Variants in CEP120 observed in about 807,000 individuals in gnomAD.
CEP120 encodes the protein centrosomal protein of 120 kDa.
In CEP120, 113 loss-of-function variants were observed where a neutral mutation model predicts 126.5. The observed-to-expected ratio is 0.89, with a 90% CI of 0.77 to 1.04. The LOEUF is 1.04. Ranked by LOEUF, CEP120 falls within the 50% of genes least tolerant of loss-of-function variation. The pLI, the probability that CEP120 is intolerant of heterozygous loss-of-function variation, is 0.00. For missense variants in CEP120, 1,230 were observed against 1,155.7 expected, an observed-to-expected ratio of 1.06 and a Z score of -0.93; for synonymous variants, 400 against 394.3, an observed-to-expected ratio of 1.01 and a Z score of -0.17.
At position 123,422,971 on chromosome 5, in the gene CEP120, T is replaced by G; in HGVS notation, c.28A>C (p.Ile10Leu). The G allele has an allele frequency of 1.2e-6, 2 of 1,614,126 alleles. No individual in the cohort carries two copies. Among genetic ancestry groups the G allele is most frequent in the Non-Finnish European group, 1.7e-6 (2 of 1,179,994 alleles). ...TCACCTTCTAGGATGGACACGACGA[T>G]GAGCAATTGGTCGGATTTGGAGACC... MVSKSDQLLIVVSILEGRHF... is the reference protein window; with the variant it reads MVSKSDQLLLVVSILEGRHF... The change falls in exon 1 of 20, where the codon ATC (isoleucine) becomes CTC (leucine). Residue 10 changes from isoleucine (I) to leucine (L), a missense_variant. Physicochemically the swap from Ile to Leu is conservative, Grantham distance 5 (BLOSUM62 2). Coordinates refer to ENST00000306467, the MANE Select transcript of CEP120 (RefSeq NM_001375405.1).
chr5:123,415,761 C>T lies in CEP120; in HGVS notation c.321+249G>A, dbSNP rs139125593. Among the ~76,000 whole-genome samples, 5,277 of 152,088 alleles carry T rather than the reference C, an allele frequency of 0.035. 169 individuals are homozygous for T. Among genetic ancestry groups the T allele is most frequent in the South Asian group, 0.1 (499 of 4,812 alleles). On this transcript the variant is annotated intron_variant, in intron 3 of 19. Coordinates refer to ENST00000306467, the MANE Select transcript of CEP120 (RefSeq NM_001375405.1). ...TGGTGAGTGCCTGTAATCCCAGCTA[C>T]TCAGGAGGCTAAGGCAGGGAGAATT...
At chr5:123,401,621 T>C in intron 4 of CEP120, 1 of 1,428,692 alleles carries the variant, frequency 7.0e-7, no homozygotes, top group Non-Finnish European at 9.8e-7. Flanking sequence ...CACAGATGTG[T>C]CTGAGATCCA....
At chr5:123,406,074 T>A (rs1175536638) in intron 4 of CEP120, among the ~76,000 whole-genome samples, 1 of 151,908 alleles carries the variant, frequency 6.6e-6, no homozygotes, top group African/African-American at 2.4e-5. Context: ...ACTATGAGAA[T>A]TGGTTCATTA....
chr5:123,348,865 G>C (rs1769009141), intron 19 of CEP120, among the ~76,000 whole-genome samples: 1 of 152,144 alleles, frequency 6.6e-6, no homozygotes, highest in Non-Finnish European at 1.5e-5. Context: ...ACAGTGAGAA[G>C]GTGGGTCTCT....
chr5:123,414,160 C>G (rs1461294708), intron 3 of CEP120, among the ~76,000 whole-genome samples: 1 of 152,156 alleles, frequency 6.6e-6, no homozygotes, highest in African/African-American at 2.4e-5. Flanking sequence ...CAGATACCCC[C>G]CTAAGAGGAT....
chr5:123,347,779 G>C (rs1768938061), intron 19 of CEP120, among the ~76,000 whole-genome samples: 1 of 152,042 alleles, frequency 6.6e-6, no homozygotes, highest in Non-Finnish European at 1.5e-5. Context: ...TCGAGTAGCT[G>C]GGACTATAGG....
chr5:123,362,888 A>C (rs1770189979), intron 18 of CEP120, among the ~76,000 whole-genome samples: 1 of 151,612 alleles, frequency 6.6e-6, no homozygotes, highest in African/African-American at 2.4e-5. Context: ...TAAAACATCC[A>C]AATTTGCAAA....
chr5:123,370,761 A>T (rs1770801676), intron 17 of CEP120, among the ~76,000 whole-genome samples: 1 of 147,710 alleles, frequency 6.8e-6, no homozygotes, highest in African/African-American at 2.5e-5. Context: ...TATATATTTT[A>T]TATATATATT....
chr5:123,419,450 G>A (rs1001133952), intron 1 of CEP120, among the ~76,000 whole-genome samples: 1 of 151,812 alleles, frequency 6.6e-6, no homozygotes, highest in Non-Finnish European at 1.5e-5. Flanking sequence ...GGGAGGCTGA[G>A]GCAGAACAGC....
intron 4 of CEP120, among the ~76,000 whole-genome samples, chr5:123,405,812 C>T (rs1410441764): frequency 6.6e-6 from 1 of 150,616 alleles, no homozygotes; most frequent in Non-Finnish European, 1.5e-5. Flanking sequence ...GCAAGGCATA[C>T]TAAAAGGAAA....
chr5:123,377,038 G>C (rs1771277894), intron 16 of CEP120, among the ~76,000 whole-genome samples: 1 of 152,028 alleles, frequency 6.6e-6, no homozygotes, highest in Non-Finnish European at 1.5e-5. Context: ...GAGGAAATAG[G>C]AACAGAGACA....
intron 2 of CEP120, 55 bp downstream of exon 2, chr5:123,418,304 A>C: frequency 6.9e-7 from 1 of 1,457,384 alleles, no homozygotes; most frequent in Non-Finnish European, 9.3e-7. Flanking sequence ...ATTTATTTAT[A>C]ACAGCCTGAA....
At chr5:123,385,495 G>A (rs1273270488) in intron 10 of CEP120, among the ~76,000 whole-genome samples, 2 of 152,092 alleles carry the variant, frequency 1.3e-5, no homozygotes, top group African/African-American at 2.4e-5. Flanking sequence ...CCCAGCTTAG[G>A]TGCACAGTAG....
rs146616783 is a variant in CEP120 at position 123,397,901 on chromosome 5, T to C, written c.612+1235A>G. Among the ~76,000 whole-genome samples, 444 of 152,250 alleles carry C rather than the reference T, an allele frequency of 2.9e-3. 1 individual carries two copies. Among genetic ancestry groups the C allele is most frequent in the African/African-American group, 9.7e-3 (402 of 41,546 alleles). ...GAGTTCAAGACCAGCCTGAGCAGCA[T>C]AGTGAAACCCTGTCTCTACAAAAAA... On this transcript the variant is annotated intron_variant, in intron 5 of 19. Coordinates refer to ENST00000306467, the MANE Select transcript of CEP120 (RefSeq NM_001375405.1).
intron 1 of CEP120, among the ~76,000 whole-genome samples, chr5:123,419,809 G>C (rs1390161026): frequency 6.6e-6 from 1 of 152,026 alleles, no homozygotes; most frequent in African/African-American, 2.4e-5. Flanking sequence ...AAAAACTGAG[G>C]ATCTAGTTAA....
chr5:123,407,712 C>A (rs1002866833), intron 4 of CEP120, among the ~76,000 whole-genome samples: 1 of 152,080 alleles, frequency 6.6e-6, no homozygotes, highest in Non-Finnish European at 1.5e-5. Flanking sequence ...CATTATCAAT[C>A]AACTGGATGC....
chr5:123,360,997 T>TA (rs375984057), intron 18 of CEP120, among the ~76,000 whole-genome samples: 5 of 150,512 alleles, frequency 3.3e-5, no homozygotes, highest in African/African-American at 1.2e-4. Context: ...TACTTCTCAA[T>TA]AAAAAACATG....
At chr5:123,416,378 T>C (rs1021931298) in intron 2 of CEP120, among the ~76,000 whole-genome samples, 2 of 151,710 alleles carry the variant, frequency 1.3e-5, no homozygotes, top group Non-Finnish European at 2.9e-5. Flanking sequence ...CTGACCAACA[T>C]GGTGAAACCT....
chr5:123,402,102 T>A, intron 4 of CEP120: 4 of 1,567,784 alleles, frequency 2.6e-6, no homozygotes, highest in Non-Finnish European at 3.5e-6. Context: ...GATGTCGGGG[T>A]CCACCTCCAG....
Sources: allele counts gnomAD v4.1 joint callset (sites outside exome capture counted in the v4.1 genomes callset), GRCh38; gene constraint gnomAD v4.1.1; transcripts MANE v1.5; gene names NCBI Gene and HGNC (gene_info 2026-07-23, HGNC 2026-07-21).